The following LRBA variants were observed in gnomAD, a reference collection of about 807,000 sequenced individuals.
The protein encoded by LRBA is LPS responsive beige-like anchor protein.
A neutral mutation model predicts 330.0 loss-of-function variants in LRBA; 176 were observed. The observed-to-expected ratio is 0.53, with a 90% confidence interval of 0.47 to 0.60. The LOEUF is 0.60. Among genes scored for constraint, LRBA ranks in the 20% least tolerant of loss-of-function variants. LRBA has a pLI of 0.00. For synonymous variants in LRBA, 1,230 were observed against 1,193.0 expected, an observed-to-expected ratio of 1.03 and a Z score of -0.64; for missense variants, 3,259 against 3,444.8, an observed-to-expected ratio of 0.95 and a Z score of 1.35.
chr4:150,640,148 C>T (rs768153893), intron 37 of LRBA, among the ~76,000 whole-genome samples: 21 of 151,746 alleles, frequency 1.4e-4, no homozygotes, highest in Non-Finnish European at 2.6e-4. Context: ...TGAGCCACCA[C>T]GCCCGGCCCC....
chr4:150,805,071 T>C (rs954915703), intron 33 of LRBA, among the ~76,000 whole-genome samples: 8 of 152,040 alleles, frequency 5.3e-5, no homozygotes, highest in African/African-American at 1.9e-4. Context: ...CTGCAATCTG[T>C]TTTCTGAGGA....
chr4:150,580,881 T>C (rs920561933), intron 40 of LRBA: 1 of 153,218 alleles, frequency 6.5e-6, no homozygotes, highest in African/African-American at 2.4e-5. Context: ...AGGATAGTTA[T>C]AGATTTTTGT....
intron 47 of LRBA, among the ~76,000 whole-genome samples, chr4:150,404,194 T>A (rs893986318): frequency 6.6e-6 from 1 of 152,178 alleles, no homozygotes; most frequent in Non-Finnish European, 1.5e-5. Context: ...AATTTAGTTA[T>A]GGACATGACT....
intron 8 of LRBA, among the ~76,000 whole-genome samples, chr4:150,914,648 GA>G (rs1560999485): frequency 6.6e-6 from 1 of 152,034 alleles, no homozygotes; most frequent in Admixed American, 6.6e-5. Context: ...GTAAAATGAA[GA>G]TTATAATAAT....
intron 40 of LRBA, among the ~76,000 whole-genome samples, chr4:150,512,876 T>G (rs1761977766): frequency 6.6e-6 from 1 of 152,224 alleles, no homozygotes; most frequent in Non-Finnish European, 1.5e-5. Flanking sequence ...GTAAGAATAT[T>G]CAATTCTGCT....
intron 34 of LRBA, among the ~76,000 whole-genome samples, chr4:150,776,962 GCATTCAAGTT>G (rs1433178073): frequency 6.6e-6 from 1 of 151,978 alleles, no homozygotes; most frequent in Non-Finnish European, 1.5e-5. Context: ...AATAGAACAT[GCATTCAAGTT>G]TTACAAATAT....
intron 11 of LRBA, 75 bp from the exon 12 acceptor site, chr4:150,906,480 CCTTCCATTCACCT>C: frequency 6.6e-6 from 5 of 763,122 alleles, no homozygotes; most frequent in Non-Finnish European, 1.1e-5. Context: ...TAGATGTAAC[CCTTCCATTCACCT>C]TAATAAAAAG....
chr4:151,002,295 G>A (rs1269752608), intron 2 of LRBA, among the ~76,000 whole-genome samples: 4 of 150,210 alleles, frequency 2.7e-5, no homozygotes, highest in African/African-American at 4.9e-5. Flanking sequence ...GGCCAGGCAC[G>A]GTAGCTCATG....
chr4:150,491,726 A>C (rs967316103), intron 40 of LRBA, among the ~76,000 whole-genome samples: 1 of 152,162 alleles, frequency 6.6e-6, no homozygotes. Flanking sequence ...GTTGCTTAAA[A>C]TGCTTTGCCA....
intron 35 of LRBA, among the ~76,000 whole-genome samples, chr4:150,756,956 T>G (rs181385009): frequency 1.5e-3 from 235 of 152,318 alleles, no homozygotes; most frequent in Middle Eastern, 3.4e-3. Context: ...TGATTCAAGA[T>G]ATCATAAAAC....
At chr4:150,925,332 C>T (rs147245078) in intron 4 of LRBA, among the ~76,000 whole-genome samples, 1 of 152,282 alleles carries the variant, frequency 6.6e-6, no homozygotes, top group East Asian at 1.9e-4. Flanking sequence ...TGATGAACAT[C>T]CATGTTAACA....
intron 53 of LRBA, among the ~76,000 whole-genome samples, chr4:150,301,115 T>C (rs1729621703): frequency 6.6e-6 from 1 of 152,042 alleles, no homozygotes; most frequent in African/African-American, 2.4e-5. Context: ...TCTCGGTAAC[T>C]GGATTTACAG....
intron 17 of LRBA, among the ~76,000 whole-genome samples, chr4:150,878,671 C>T (rs1403797937): frequency 1.3e-5 from 2 of 151,500 alleles, no homozygotes; most frequent in Non-Finnish European, 2.9e-5. Flanking sequence ...CAACCAATCT[C>T]ATAGAAATAC....
intron 36 of LRBA, among the ~76,000 whole-genome samples, chr4:150,717,262 T>C (rs947101072): frequency 2.0e-5 from 3 of 152,204 alleles, no homozygotes; most frequent in African/African-American, 7.2e-5. Context: ...AGTGGTACTA[T>C]AGAAGTGTTT....
chr4:150,315,029 C>G (rs1216372068), intron 51 of LRBA: 2 of 154,646 alleles, frequency 1.3e-5, no homozygotes, highest in Admixed American at 1.3e-4. Flanking sequence ...TGAAACTGCT[C>G]TGCAATTGCA....
chr4:150,900,270 T>TC (rs1227522424), intron 13 of LRBA, 53 bp from the exon 14 acceptor site: 2 of 1,344,502 alleles, frequency 1.5e-6, no homozygotes, highest in African/African-American at 2.9e-5. Flanking sequence ...TTTATCTGTT[T>TC]CCAGTAACAC....
chr4:150,489,257 T>C (rs868000346), intron 41 of LRBA, among the ~76,000 whole-genome samples: 12 of 60,256 alleles, frequency 2.0e-4, no homozygotes, highest in African/African-American at 6.2e-4. Flanking sequence ...TAATATATTA[T>C]ATATAAGAAT....
chr4:150,445,308 T>C (rs1384863069), intron 44 of LRBA, among the ~76,000 whole-genome samples: 1 of 149,864 alleles, frequency 6.7e-6, no homozygotes, highest in Non-Finnish European at 1.5e-5. Context: ...TTGAAAGTCA[T>C]CTGAATATAA....
At chr4:150,467,650 T>C (rs767727687) in intron 44 of LRBA, 23 bp downstream of exon 44, 2 of 1,319,826 alleles carry the variant, frequency 1.5e-6, no homozygotes, top group Non-Finnish European at 2.2e-6. Flanking sequence ...CAATTATATT[T>C]CACATCATTA....
Sources: gnomAD v4.1 joint callset for allele counts (sites outside exome capture counted in the v4.1 genomes callset) on GRCh38, gnomAD v4.1.1 for gene constraint, MANE v1.5 for transcripts, NCBI Gene and HGNC (gene_info 2026-07-23, HGNC 2026-07-21) for gene names.